FAM177B: variants seen among roughly 807,000 people sequenced by gnomAD.
FAM177B encodes protein FAM177B.
Under a neutral mutation model 16.1 loss-of-function variants are expected in FAM177B, and 16 were observed. The ratio of observed to expected loss-of-function variants is 0.99; its 90% CI spans 0.67 to 1.51. The LOEUF (loss-of-function observed/expected upper bound fraction) is 1.51, where lower values mean the gene tolerates loss of function less well. FAM177B is among the 40% of genes most tolerant of loss of function. The probability of loss-of-function intolerance (pLI) is 0.00; values close to 1 mark genes in which losing one functional copy is unlikely to be tolerated. For synonymous variants in FAM177B, 56 were observed against 59.9 expected, an observed-to-expected ratio of 0.93 and a Z score of 0.30; for missense variants, 178 against 183.7, an observed-to-expected ratio of 0.97 and a Z score of 0.18.
At chr1:222,738,302 G>A (rs1658376993) in intron 2 of FAM177B, among the ~76,000 whole-genome samples, 1 of 152,072 alleles carries the variant, frequency 6.6e-6, no homozygotes, top group African/African-American at 2.4e-5. Context: ...GAGCCCTGGG[G>A]TAATACAATA....
chr1:222,749,630 G>C (rs1471056414), intron 5 of FAM177B, 68 bp downstream of exon 5: 9 of 915,946 alleles, frequency 9.8e-6, no homozygotes, highest in Non-Finnish European at 1.5e-5. Context: ...ATTTAGGCCA[G>C]TATAGAGAAG....
chr1:222,741,057 C>CTTTTTTTTTTTTTTTT (rs369907456), intron 2 of FAM177B, among the ~76,000 whole-genome samples: 8 of 82,154 alleles, frequency 9.7e-5, no homozygotes, highest in Non-Finnish European at 1.3e-4. Flanking sequence ...TTTTTGTTTT[C>CTTTTTTTTTTTTTTTT]TTTTTTTTTT....
chr1:222,749,788 A>C, intron 5 of FAM177B, 133 bp from the exon 6 acceptor site: 1 of 980,554 alleles, frequency 1.0e-6, no homozygotes, highest in Non-Finnish European at 1.6e-6. Context: ...TGTGTTGTAG[A>C]AGAAGGTAGT....
In FAM177B at chr1:222,743,019, T is replaced by C. The variant is rs574337932; in HGVS notation, c.-15-3512T>C. Among the ~76,000 whole-genome samples the C allele has an allele frequency of 5.4e-4, 83 of 152,342 alleles. 1 individual carries two copies. In the Middle Eastern group the frequency reaches 0.01, roughly 19 times the overall value. On this transcript the variant is annotated intron_variant, in intron 2 of 5. Transcript: ENST00000445590. ...TTTCCTGTTGTCCTATCATTCCTAA[T>C]TCTCAGGTGAGGACTCTCCCAGTTT...
intron 2 of FAM177B, among the ~76,000 whole-genome samples, chr1:222,742,365 G>A (rs1318986340): frequency 6.6e-6 from 1 of 152,074 alleles, no homozygotes; most frequent in Admixed American, 6.5e-5. Context: ...TCTATTGACC[G>A]CCTTTTAAAA....
At chr1:222,748,709 A>G (rs909223163) in intron 4 of FAM177B, among the ~76,000 whole-genome samples, 1 of 152,202 alleles carries the variant, frequency 6.6e-6, no homozygotes, top group Non-Finnish European at 1.5e-5. Flanking sequence ...TGCAGCAAAT[A>G]AACAGGACAA....
At position 222,750,651 on chromosome 1, in the gene FAM177B, A is replaced by G. The variant is rs1659009394; in HGVS notation, c.*593A>G. 1 of 647,616 alleles carries G rather than the reference A, an allele frequency of 1.5e-6. No homozygotes were observed. Among genetic ancestry groups the G allele is most frequent in the Non-Finnish European group, 1.9e-6 (1 of 522,006 alleles). 40.1% of individuals were successfully genotyped at this position (647,616 alleles called of 1,614,324 possible). On this transcript the variant is annotated 3_prime_UTR_variant, in exon 6 of 6. Coordinates refer to ENST00000445590, the MANE Select transcript of FAM177B (RefSeq NM_001394345.1). ...CAAATTAAAACAATTGATAAATAAT[A>G]TAAGCTCTAGAAAAAAATATTAATG...
intron 2 of FAM177B, among the ~76,000 whole-genome samples, chr1:222,745,483 G>T (rs916798501): frequency 3.3e-5 from 5 of 152,242 alleles, no homozygotes; most frequent in South Asian, 2.1e-4. Flanking sequence ...CAGGCTTGGT[G>T]GCACGCACCT....
intron 2 of FAM177B, among the ~76,000 whole-genome samples, chr1:222,738,846 C>T (rs924209837): frequency 9.2e-5 from 14 of 152,256 alleles, no homozygotes; most frequent in Non-Finnish European, 5.9e-5. Flanking sequence ...TTTTGCATAG[C>T]ATATTCTAAA....
At chr1:222,745,706 G>A (rs1440206206) in intron 2 of FAM177B, among the ~76,000 whole-genome samples, 3 of 152,158 alleles carry the variant, frequency 2.0e-5, no homozygotes, top group African/African-American at 7.2e-5. Context: ...TGGATTACTC[G>A]ACATCAGGAG....
Position 222,743,916 on chromosome 1 carries a change from G to A in FAM177B, c.-15-2615G>A, listed in dbSNP as rs78983707. ...TTCTGAACCCCCCAGCAACCATCTC[G>A]GCTTCAGCTCATACTTATAGTTTTG... On this transcript the variant is annotated intron_variant, in intron 2 of 5. Transcript: ENST00000445590. Among the ~76,000 whole-genome samples the A allele has an allele frequency of 4.9e-3, 743 of 151,956 alleles. 2 individuals are homozygous for A. The highest frequency in any genetic ancestry group is 0.01 in the Middle Eastern group (3 of 294).
intron 2 of FAM177B, among the ~76,000 whole-genome samples, chr1:222,741,057 C>CTTTTTTTTTTTTTTT (rs369907456): frequency 2.6e-4 from 21 of 82,152 alleles, no homozygotes; most frequent in African/African-American, 3.5e-4. Context: ...TTTTTGTTTT[C>CTTTTTTTTTTTTTTT]TTTTTTTTTT....
intron 4 of FAM177B, among the ~76,000 whole-genome samples, chr1:222,748,410 G>A (rs1658897458): frequency 6.6e-6 from 1 of 152,160 alleles, no homozygotes; most frequent in Non-Finnish European, 1.5e-5. Context: ...TGAGATTGCA[G>A]GGATAGGATG....
chr1:222,738,223 T>C (rs1158755501), intron 2 of FAM177B, among the ~76,000 whole-genome samples: 2 of 152,080 alleles, frequency 1.3e-5, no homozygotes, highest in African/African-American at 4.8e-5. Context: ...GTGTGGATAG[T>C]ATTGAAAGCC....
intron 4 of FAM177B, chr1:222,748,947 T>C (rs945919251): frequency 2.2e-6 from 1 of 461,208 alleles, no homozygotes; most frequent in South Asian, 1.6e-5. Flanking sequence ...TATCCCTGAC[T>C]CTAACAATCC....
intron 3 of FAM177B, 51 bp from the exon 4 acceptor site, chr1:222,746,964 A>T: frequency 8.4e-7 from 1 of 1,191,798 alleles, no homozygotes; most frequent in Non-Finnish European, 1.3e-6. Flanking sequence ...ACAAATCTGC[A>T]GTCACCATTC....
At chr1:222,741,590 C>T (rs1217990552) in intron 2 of FAM177B, among the ~76,000 whole-genome samples, 2 of 151,152 alleles carry the variant, frequency 1.3e-5, no homozygotes, top group Non-Finnish European at 2.9e-5. Context: ...TGCAGTGGCA[C>T]AATCGCTGCT....
intron 4 of FAM177B, among the ~76,000 whole-genome samples, chr1:222,747,759 A>T (rs1658866610): frequency 1.3e-5 from 2 of 152,228 alleles, no homozygotes; most frequent in South Asian, 4.1e-4. Flanking sequence ...ATTGATCTTC[A>T]TTCATTCATT....
At chr1:222,738,998 A>G (rs769865644) in intron 2 of FAM177B, among the ~76,000 whole-genome samples, 2 of 152,216 alleles carry the variant, frequency 1.3e-5, no homozygotes, top group Non-Finnish European at 2.9e-5. Flanking sequence ...GTATATGGCT[A>G]TTAATGCACA....
Sources: allele counts gnomAD v4.1 joint callset (sites outside exome capture counted in the v4.1 genomes callset), GRCh38; gene constraint gnomAD v4.1.1; transcripts MANE v1.5; gene names NCBI Gene and HGNC (gene_info 2026-07-23, HGNC 2026-07-21).